FAAH: variants seen among roughly 807,000 people sequenced by gnomAD.
FAAH encodes fatty-acid amide hydrolase 1.
In FAAH, 63 loss-of-function variants were observed where a neutral mutation model predicts 69.7. The ratio of observed to expected loss-of-function variants is 0.90; its 90% CI spans 0.74 to 1.12. The LOEUF is 1.12. Ranked by LOEUF, FAAH falls within the 50% of genes most tolerant of loss-of-function variation. FAAH has a pLI of 0.00. For synonymous variants in FAAH, 305 were observed against 324.2 expected, an observed-to-expected ratio of 0.94 and a Z score of 0.64; for missense variants, 680 against 755.0, an observed-to-expected ratio of 0.90 and a Z score of 1.16.
At chr1:46,408,684 A>G in intron 8 of FAAH, 100 bp downstream of exon 8, 1 of 1,581,668 alleles carries the variant, frequency 6.3e-7, no homozygotes, top group Non-Finnish European at 8.7e-7. Context: ...TGGCACTCTG[A>G]CGATGTTGTC....
In FAAH at chr1:46,406,065, T is replaced by C; in HGVS notation, c.813T>C (p.Tyr271=). 1 of 1,614,190 alleles carries C rather than the reference T, an allele frequency of 6.2e-7. No individual in the cohort carries two copies. The highest frequency in any genetic ancestry group is 1.7e-5 in the Admixed American group (1 of 60,028). The change falls in exon 6 of 15, where the codon TAT becomes TAC. Residue 271 remains tyrosine (Y), a synonymous_variant. Transcript: ENST00000243167. ...AGAGTGGCCTGAAGGGCTGTGTCTA[T>C]GGACAGGAGGCAGGTGAGGTCCGTG... ...LSKSGLKGCV[Y]GQEAVRLSVG...
At chr1:46,402,904 G>A (rs896979528) in intron 2 of FAAH, among the ~76,000 whole-genome samples, 1 of 152,050 alleles carries the variant, frequency 6.6e-6, no homozygotes, top group African/African-American at 2.4e-5. Context: ...TGTTGGTCAG[G>A]CTGGTCTGGA....
At chr1:46,409,422 T>G in intron 9 of FAAH, 1 of 537,092 alleles carries the variant, frequency 1.9e-6, no homozygotes, top group Non-Finnish European at 3.5e-6. Flanking sequence ...ATCTGTGGCC[T>G]ACCCCTGATC....
intron 9 of FAAH, 23 bp downstream of exon 9, chr1:46,409,221 G>A (rs200488006): frequency 6.3e-7 from 1 of 1,586,620 alleles, no homozygotes; most frequent in South Asian, 1.1e-5. Flanking sequence ...GGGCTTTGGG[G>A]TCTTGGTGGG....
Position 46,413,323 on chromosome 1 carries a change from G to A in FAAH, c.1611+103G>A. The A allele has an allele frequency of 1.9e-6, 3 of 1,610,070 alleles. No homozygotes were observed. The South Asian group carries it at 3.3e-5, about 18-fold the overall frequency. On this transcript the variant is annotated intron_variant, in intron 14 of 14. Transcript: ENST00000243167. ...CTGCGGGTTTGCCAGCCTTTCTTAA[G>A]CAAGACCTGAAGGACTATGGCCTGG...
chr1:46,410,307 T>C lies in FAAH; in HGVS notation c.1176-91T>C. The C allele has an allele frequency of 1.0e-6, 1 of 967,482 alleles. No homozygotes were observed. The highest frequency in any genetic ancestry group is 1.7e-6 in the Non-Finnish European group (1 of 591,408). 59.9% of individuals were successfully genotyped at this position (967,482 alleles called of 1,614,324 possible). On this transcript the variant is annotated intron_variant, in intron 9 of 14. Transcript: ENST00000243167. The surrounding 1 kb of genome is among the most constrained non-coding windows in gnomAD (Gnocchi z 4.9). ...GTGAGGAGGAGGTGGACAGGATCCCTGCATAGAGAATGGGATTGCTGTGGG... is the reference window on the plus strand; with the variant it reads ...GTGAGGAGGAGGTGGACAGGATCCCCGCATAGAGAATGGGATTGCTGTGGG...
At position 46,411,027 on chromosome 1, in the gene FAAH, C is replaced by T; in HGVS notation, c.1316+173C>T. 1 of 775,582 alleles carries T rather than the reference C, an allele frequency of 1.3e-6. No individual in the cohort carries two copies. 48.0% of individuals were successfully genotyped at this position (775,582 alleles called of 1,614,324 possible). On this transcript the variant is annotated intron_variant, in intron 11 of 14. Transcript: ENST00000243167. This position sits in a 1 kb window ranked among gnomAD's most constrained non-coding sequence, Gnocchi z 4.8. ...AGATGGGACTTTGAAGTTGTCTTGG[C>T]AAGGTCCAGTTCTGGCTGGAGAGCA...
chr1:46,402,392 C>T (rs1234795577), intron 2 of FAAH, among the ~76,000 whole-genome samples, 188 bp downstream of exon 2: 6 of 152,202 alleles, frequency 3.9e-5, no homozygotes, highest in African/African-American at 2.4e-5. Flanking sequence ...AGAGCGTGTG[C>T]GTGTGTGTAT....
intron 7 of FAAH, among the ~76,000 whole-genome samples, chr1:46,406,985 C>T (rs1664811267): frequency 6.6e-6 from 1 of 152,056 alleles, no homozygotes; most frequent in Non-Finnish European, 1.5e-5. Flanking sequence ...GCCTGCTGAC[C>T]TTCAGCAAAC....
intron 14 of FAAH, 64 bp from the exon 15 acceptor site, chr1:46,413,383 C>T: frequency 6.2e-7 from 1 of 1,612,914 alleles, no homozygotes. Flanking sequence ...CTGGGTGCTT[C>T]CTGGGCCTGG....
intron 7 of FAAH, among the ~76,000 whole-genome samples, chr1:46,407,550 G>A (rs900962965): frequency 6.6e-6 from 1 of 152,090 alleles, no homozygotes; most frequent in African/African-American, 2.4e-5. Flanking sequence ...TCTGAGACCA[G>A]TATTTTGCTC....
intron 7 of FAAH, 52 bp from the exon 8 acceptor site, chr1:46,408,407 C>T: frequency 1.9e-6 from 3 of 1,613,498 alleles, no homozygotes; most frequent in Non-Finnish European, 2.5e-6. Flanking sequence ...AGGGGTCCTG[C>T]CTAGGGTTGT....
chr1:46,396,799 T>G (rs1439637555), intron 1 of FAAH, among the ~76,000 whole-genome samples: 1 of 152,206 alleles, frequency 6.6e-6, no homozygotes, highest in Non-Finnish European at 1.5e-5. Context: ...GTCTACTTCT[T>G]TTTACATAGA....
At chr1:46,398,143 C>A (rs960142434) in intron 1 of FAAH, among the ~76,000 whole-genome samples, 2 of 152,062 alleles carry the variant, frequency 1.3e-5, no homozygotes, top group African/African-American at 4.8e-5. Context: ...CCATCTTGGC[C>A]AGGCTGGTCT....
Position 46,413,062 on chromosome 1 carries a change from T to C in FAAH, c.1466-13T>C. On this transcript the variant is annotated splice_polypyrimidine_tract_variant and intron_variant, in intron 13 of 14. Transcript: ENST00000243167. ...TCTCAGGGCCTGCTGCAGCTGCCTG[T>C]AATGTGTTCCAGGGGCCGTCAGCTA... 13 of 1,613,948 alleles carry C rather than the reference T, an allele frequency of 8.1e-6. No homozygotes were observed. Among genetic ancestry groups the C allele is most frequent in the Non-Finnish European group, 1.1e-5 (13 of 1,179,906 alleles).
At position 46,405,684 on chromosome 1, in the gene FAAH, C is replaced by A. The variant is rs779485475; in HGVS notation, c.675C>A (p.Ile225=). The change falls in exon 5 of 15, where the codon ATC becomes ATA. Residue 225 remains isoleucine (I), a synonymous_variant. Coordinates refer to ENST00000243167, the MANE Select transcript of FAAH (RefSeq NM_001441.3). The surrounding 1 kb of genome is among the most constrained non-coding windows in gnomAD (Gnocchi z 4.1). ...CCTCAGGGGGTGAAGGGGCCCTCAT[C>A]GGGTCTGGAGGCTCCCCCCTGGGCT... The part of the protein sequence containing the change: ...GGSSGGEGAL[I]GSGGSPLGLG... The A allele has an allele frequency of 6.2e-7, 1 of 1,613,444 alleles. No individual in the cohort carries two copies. The highest frequency in any genetic ancestry group is 8.5e-7 in the Non-Finnish European group (1 of 1,180,032).
rs1438743314 is a variant in FAAH at position 46,410,880 on chromosome 1, C to G, written c.1316+26C>G. The G allele has an allele frequency of 6.2e-7, 1 of 1,613,854 alleles. No individual in the cohort carries two copies. Among genetic ancestry groups the G allele is most frequent in the Non-Finnish European group, 8.5e-7 (1 of 1,179,870 alleles). ...GTAAGGGTTCTTCTGTGTCTAGCTG[C>G]CGGCCCCTGCCTGTCCTGATCCGAG... On this transcript the variant is annotated intron_variant, in intron 11 of 14. Transcript: ENST00000243167. This position sits in a 1 kb window ranked among gnomAD's most constrained non-coding sequence, Gnocchi z 4.9.
Position 46,394,345 on chromosome 1 carries a change from G to A in FAAH, c.-4G>A, listed in dbSNP as rs1416756289. 1 of 1,561,202 alleles carries A rather than the reference G, an allele frequency of 6.4e-7. No homozygotes were observed. The highest frequency in any genetic ancestry group is 8.6e-7 in the Non-Finnish European group (1 of 1,158,078). ...GCGGTAGGCAGCAGCAGGCTGAAGGGATCATGGTGCAGTACGAGCTGTGGG... is the reference window on the plus strand; with the variant it reads ...GCGGTAGGCAGCAGCAGGCTGAAGGAATCATGGTGCAGTACGAGCTGTGGG... On this transcript the variant is annotated 5_prime_UTR_variant, in exon 1 of 15. Coordinates refer to ENST00000243167, the MANE Select transcript of FAAH (RefSeq NM_001441.3).
rs1475205969 is a variant in FAAH, at chr1:46,413,153, A to G, written c.1544A>G (p.Glu515Gly). ...GVVPVTTVTA[E>G]DEAQMEHYRG... ...GTGCCTGTCACCACGGTGACTGCTG[A>G]GGACGAGGCCCAGATGGAACATTAC... The change falls in exon 14 of 15, where the codon GAG becomes GGG. Residue 515 changes from glutamate (E) to glycine (G), a missense_variant. Glu to Gly is a moderately conservative substitution (Grantham distance 98, BLOSUM62 -2). Transcript: ENST00000243167. The G allele has an allele frequency of 6.2e-7, 1 of 1,614,158 alleles. No homozygotes were observed. The highest frequency in any genetic ancestry group is 1.1e-5 in the South Asian group (1 of 91,074).
Sources: allele counts gnomAD v4.1 joint callset (sites outside exome capture counted in the v4.1 genomes callset), GRCh38; gene constraint gnomAD v4.1.1; non-coding constraint Gnocchi (gnomAD v3.1); transcripts MANE v1.5; gene names NCBI Gene and HGNC (gene_info 2026-07-23, HGNC 2026-07-21).